CCSER1: variants seen among roughly 807,000 people sequenced by gnomAD.
The protein encoded by CCSER1 is serine-rich coiled-coil domain-containing protein 1.
Under a neutral mutation model 82.0 loss-of-function variants are expected in CCSER1, and 41 were observed. The observed-to-expected ratio is 0.50, with a 90% CI of 0.39 to 0.65. CCSER1 has a LOEUF of 0.65. Ranked by LOEUF, CCSER1 falls within the 30% of genes least tolerant of loss-of-function variation. CCSER1 has a pLI of 0.00. For synonymous variants in CCSER1, 414 were observed against 383.9 expected (o/e 1.08, Z -0.92); for missense variants, 1,119 against 1,064.2 (o/e 1.05, Z -0.72).
chr4:91,483,768 A>G (rs1353541357), intron 10 of CCSER1, among the ~76,000 whole-genome samples: 1 of 152,100 alleles, frequency 6.6e-6, no homozygotes, highest in Non-Finnish European at 1.5e-5. Flanking sequence ...TTTTTATTAT[A>G]TCTTATTTTT....
intron 8 of CCSER1, 81 bp downstream of exon 8, chr4:90,815,926 A>G (rs1394821084): frequency 6.1e-6 from 5 of 825,840 alleles, no homozygotes; most frequent in African/African-American, 3.4e-5. Flanking sequence ...ATTAACACCA[A>G]TGGCATTAGT....
intron 3 of CCSER1, among the ~76,000 whole-genome samples, chr4:90,366,604 T>G (rs1746328063): frequency 6.6e-6 from 1 of 151,804 alleles, no homozygotes; most frequent in Non-Finnish European, 1.5e-5. Flanking sequence ...AATCCCACAT[T>G]TCTGAGATTT....
At chr4:90,597,207 G>A (rs138119923) in intron 5 of CCSER1, among the ~76,000 whole-genome samples, 2 of 151,954 alleles carry the variant, frequency 1.3e-5, no homozygotes, top group South Asian at 2.1e-4. Flanking sequence ...GAAAAATACC[G>A]TAACCTGCAG....
intron 1 of CCSER1, among the ~76,000 whole-genome samples, chr4:90,299,223 T>G (rs754987907): frequency 2.6e-5 from 4 of 152,086 alleles, no homozygotes; most frequent in Non-Finnish European, 4.4e-5. Context: ...TGCACACCAC[T>G]CACCCTCTTT....
intron 1 of CCSER1, among the ~76,000 whole-genome samples, chr4:90,165,590 C>G (rs1730298779): frequency 6.6e-6 from 1 of 152,008 alleles, no homozygotes; most frequent in African/African-American, 2.4e-5. Context: ...AATAAGAACT[C>G]TCTTTGACTT....
intron 6 of CCSER1, among the ~76,000 whole-genome samples, chr4:90,648,407 C>T (rs534136972): frequency 1.3e-5 from 2 of 151,890 alleles, no homozygotes; most frequent in South Asian, 4.2e-4. Context: ...ATACTTAAAG[C>T]CTGAAATTTC....
chr4:91,482,133 T>C (rs1290792824), intron 10 of CCSER1, among the ~76,000 whole-genome samples: 2 of 151,864 alleles, frequency 1.3e-5, no homozygotes, highest in Non-Finnish European at 2.9e-5. Flanking sequence ...CCGGGCGCGG[T>C]GGCTCACGCC....
chr4:91,164,868 G>A (rs966228120), intron 10 of CCSER1, among the ~76,000 whole-genome samples: 2 of 152,146 alleles, frequency 1.3e-5, no homozygotes, highest in Non-Finnish European at 2.9e-5. Context: ...TTTGCAATGG[G>A]TTCAAACGTC....
At chr4:90,688,790 C>T (rs1057212586) in intron 6 of CCSER1, among the ~76,000 whole-genome samples, 1 of 152,032 alleles carries the variant, frequency 6.6e-6, no homozygotes, top group Non-Finnish European at 1.5e-5. Context: ...CTACTTTGTA[C>T]AAGAAAAGGT....
chr4:91,005,349 C>T (rs560066823), intron 9 of CCSER1, among the ~76,000 whole-genome samples: 1 of 151,968 alleles, frequency 6.6e-6, no homozygotes, highest in South Asian at 2.1e-4. Flanking sequence ...CATATTTAGA[C>T]CACTTCCAAT....
chr4:90,880,892 C>G (rs928635543), intron 8 of CCSER1, among the ~76,000 whole-genome samples: 1 of 151,944 alleles, frequency 6.6e-6, no homozygotes, highest in Non-Finnish European at 1.5e-5. Context: ...TCTCCATTCT[C>G]CATGGGTTGA....
chr4:90,932,950 GAAAGAAAGAAAGAAAGAAAGA>G lies in CCSER1; in HGVS notation c.2172+9506_2172+9526del, dbSNP rs1730129051. 9.4e-5 allele frequency among the ~76,000 whole-genome samples: 3 copies of G among 31,942 alleles called. 1 individual carries two copies. Among genetic ancestry groups the G allele is most frequent in the Admixed American group, 3.3e-4 (1 of 3,024 alleles). The allele number at this position is 31,942 out of a possible 152,430, so 21.0% of individuals were successfully genotyped here. ...AGAAAGAAAGAAAGAAAGAAAGAAA[GAAAGAAAGAAAGAAAGAAAGA>G]AAGAAAGAAAGAGAAAGAAAGAAAG... On this transcript the variant is annotated intron_variant, in intron 9 of 10. Coordinates refer to ENST00000509176, the MANE Select transcript of CCSER1 (RefSeq NM_001145065.2).
intron 9 of CCSER1, among the ~76,000 whole-genome samples, chr4:91,053,681 G>A (rs758559173): frequency 6.6e-6 from 1 of 152,144 alleles, no homozygotes; most frequent in African/African-American, 2.4e-5. Context: ...ATCACTGTCC[G>A]GATTCCTGGG....
chr4:90,903,850 A>C (rs2150159715), intron 8 of CCSER1, among the ~76,000 whole-genome samples: 1 of 151,858 alleles, frequency 6.6e-6, no homozygotes, highest in Middle Eastern at 3.4e-3. Flanking sequence ...AAAAAAAAAA[A>C]ATAGGTAAGA....
intron 10 of CCSER1, among the ~76,000 whole-genome samples, chr4:91,129,443 A>G (rs557300243): frequency 7.0e-6 from 1 of 142,408 alleles, no homozygotes; most frequent in African/African-American, 2.6e-5. Context: ...GTAACAAGGT[A>G]AGATCTGAAA....
chr4:90,359,625 C>A (rs1295283809), intron 3 of CCSER1, among the ~76,000 whole-genome samples: 1 of 151,830 alleles, frequency 6.6e-6, no homozygotes, highest in Non-Finnish European at 1.5e-5. Flanking sequence ...GTAATCCCAG[C>A]TACTTGGGAG....
At chr4:91,232,025 T>A (rs990478986) in intron 10 of CCSER1, among the ~76,000 whole-genome samples, 8 of 151,768 alleles carry the variant, frequency 5.3e-5, no homozygotes, top group African/African-American at 1.9e-4. Context: ...TTAAAACAAA[T>A]GACAAAAATA....
Position 91,423,702 on chromosome 4 carries a change from C to G in CCSER1, c.2218-174870C>G, listed in dbSNP as rs528027670. ...GAAGAGTTTCCCCCTATCTACTTAT[C>G]TTACTAGCATCTCCTAATATAAATT... On this transcript the variant is annotated intron_variant, in intron 10 of 10. Coordinates refer to ENST00000509176, the MANE Select transcript of CCSER1 (RefSeq NM_001145065.2). Among the ~76,000 whole-genome samples, 3 of 152,198 alleles carry G rather than the reference C, an allele frequency of 2.0e-5. No homozygotes were observed. The East Asian group carries it at 5.8e-4, about 29-fold the overall frequency.
At chr4:90,824,800 A>G (rs757216312) in intron 8 of CCSER1, among the ~76,000 whole-genome samples, 3 of 152,178 alleles carry the variant, frequency 2.0e-5, no homozygotes, top group Non-Finnish European at 4.4e-5. Flanking sequence ...TTTCTTTTTC[A>G]TATTTAGGAA....
Sources: allele counts gnomAD v4.1 joint callset (sites outside exome capture counted in the v4.1 genomes callset), GRCh38; gene constraint gnomAD v4.1.1; transcripts MANE v1.5; gene names NCBI Gene and HGNC (gene_info 2026-07-23, HGNC 2026-07-21).